DIXDC1: variants seen among roughly 807,000 people sequenced by gnomAD.
The protein encoded by DIXDC1 is DIX domain containing 1.
DIXDC1 carries 64 observed loss-of-function variants against 103.1 expected under a neutral mutation model. The ratio of observed to expected loss-of-function variants is 0.62; its 90% CI spans 0.51 to 0.76. The LOEUF is 0.76. Ranked by LOEUF, DIXDC1 falls within the 30% of genes least tolerant of loss-of-function variation. The pLI is 0.00. For missense variants in DIXDC1, 759 were observed against 834.2 expected (o/e 0.91, Z 1.11); for synonymous variants, 266 against 298.5 (o/e 0.89, Z 1.12).
At chr11:112,001,252 CAT>C (rs1379263256) in intron 17 of DIXDC1, among the ~76,000 whole-genome samples, 7 of 152,118 alleles carry the variant, frequency 4.6e-5, no homozygotes, top group Non-Finnish European at 8.8e-5. Flanking sequence ...TAGGCAAATC[CAT>C]AGAGACCAAA....
chr11:111,977,161 T>G lies in DIXDC1; in HGVS notation c.656+2178T>G. ...CCTCGTCGACGTCCCCACCCCCACC[T>G]CCACCCCGCCCAGCCCCGCCCCTGG... is the stretch of plus-strand genomic sequence containing the variant. On this transcript the variant is annotated intron_variant, in intron 5 of 19. Transcript: ENST00000440460. The surrounding 1 kb of genome is among the most constrained non-coding windows in gnomAD (Gnocchi z 6.1). The G allele has an allele frequency of 1.2e-5, 4 of 342,606 alleles. No individual in the cohort carries two copies. Among genetic ancestry groups the G allele is most frequent in the Non-Finnish European group, 1.6e-5 (4 of 247,000 alleles). 21.2% of individuals were successfully genotyped at this position (342,606 alleles called of 1,614,324 possible). A position where few individuals can be genotyped will look rare whatever the true frequency, so the allele number is the denominator to read the frequency against.
chr11:111,983,642 A>T lies in DIXDC1; in HGVS notation c.918+1155A>T, dbSNP rs75492041. Among the ~76,000 whole-genome samples, 343 of 152,328 alleles carry T rather than the reference A, an allele frequency of 2.3e-3. 12 individuals are homozygous for T. In the East Asian group the frequency reaches 0.059, roughly 26 times the overall value. ...CCAGGTTGTTCCCAGGATAATTTGCATTATATGAACATAGATATTCATCAG... is the reference window on the plus strand; with the variant it reads ...CCAGGTTGTTCCCAGGATAATTTGCTTTATATGAACATAGATATTCATCAG... On this transcript the variant is annotated intron_variant, in intron 7 of 19. Transcript: ENST00000440460.
chr11:111,949,069 A>G (rs587642313), intron 1 of DIXDC1, among the ~76,000 whole-genome samples: 3 of 152,168 alleles, frequency 2.0e-5, no homozygotes, highest in African/African-American at 7.2e-5. Context: ...TGGGAAAAAT[A>G]TTTCCTCGCA....
In DIXDC1 at chr11:111,997,429, G is replaced by A. The variant is rs587615793; in HGVS notation, c.1756+1283G>A. ...CTGTTCACTGCAACCTCTGTCTCCC[G>A]GGTTCAAGCAATTCTTCTGCCTCAG... is the stretch of plus-strand genomic sequence containing the variant. On this transcript the variant is annotated intron_variant, in intron 17 of 19. Transcript: ENST00000440460. Among the ~76,000 whole-genome samples the A allele has an allele frequency of 5.9e-5, 9 of 152,102 alleles. No individual in the cohort carries two copies. The South Asian group carries it at 1.9e-3, about 32-fold the overall frequency.
At chr11:112,010,376 G>A (rs1345963908) in intron 17 of DIXDC1, among the ~76,000 whole-genome samples, 2 of 152,142 alleles carry the variant, frequency 1.3e-5, no homozygotes, top group African/African-American at 4.8e-5. Context: ...TGGCCACACT[G>A]CCCAAGGTAA....
chr11:111,929,586 A>G (rs1363696502), intron 1 of DIXDC1, among the ~76,000 whole-genome samples: 3 of 149,424 alleles, frequency 2.0e-5, no homozygotes, highest in Non-Finnish European at 3.0e-5. Flanking sequence ...TTATCTCTAA[A>G]AAAAAAAAAA....
intron 7 of DIXDC1, 141 bp downstream of exon 7, chr11:111,982,628 G>A (rs1017309678): frequency 1.1e-6 from 1 of 916,184 alleles, no homozygotes; most frequent in African/African-American, 1.7e-5. Flanking sequence ...AGCACAGAAA[G>A]AGCAGAAAAT....
intron 17 of DIXDC1, among the ~76,000 whole-genome samples, chr11:112,011,799 G>C (rs1861430128): frequency 6.6e-6 from 1 of 151,496 alleles, no homozygotes; most frequent in Non-Finnish European, 1.5e-5. Context: ...ACTGGAGCCT[G>C]TCGTGGAGGG....
intron 3 of DIXDC1, among the ~76,000 whole-genome samples, chr11:111,972,974 G>A (rs1044681396): frequency 4.0e-5 from 6 of 151,088 alleles, no homozygotes; most frequent in Admixed American, 2.6e-4. Context: ...CAGGAGAATC[G>A]CTTGAACCCA....
At position 112,022,616 on chromosome 11, in the gene DIXDC1, A is replaced by C. The variant is rs1861792066; in HGVS notation, c.*3580A>C. On this transcript the variant is annotated 3_prime_UTR_variant, in exon 20 of 20. Coordinates refer to ENST00000440460, the MANE Select transcript of DIXDC1 (RefSeq NM_001037954.4). The surrounding 1 kb of genome is among the most constrained non-coding windows in gnomAD (Gnocchi z 4.9). ...TAATGATTTTCACTTGCGTTTACTG[A>C]TGAGATTAATCAATAAAGCCATTTA... is the stretch of plus-strand genomic sequence containing the variant. The C allele has an allele frequency of 2.0e-5, 3 of 152,634 alleles. No homozygotes were observed. The South Asian group carries it at 6.2e-4, about 32-fold the overall frequency. The allele number at this position is 152,634 out of a possible 1,614,324, so 9.5% of individuals were successfully genotyped here. A position where few individuals can be genotyped will look rare whatever the true frequency, so the allele number is the denominator to read the frequency against.
At position 112,017,731 on chromosome 11, in the gene DIXDC1, G is replaced by A. The variant is rs1566589606; in HGVS notation, c.1863-46G>A. 1 of 1,487,334 alleles carries A rather than the reference G, an allele frequency of 6.7e-7. No homozygotes were observed. The highest frequency in any genetic ancestry group is 1.9e-5 in the Admixed American group (1 of 52,390). The allele number at this position is 1,487,334 out of a possible 1,614,324, so 92.1% of individuals were successfully genotyped here. On this transcript the variant is annotated intron_variant, in intron 18 of 19. Transcript: ENST00000440460. The surrounding 1 kb of genome is among the most constrained non-coding windows in gnomAD (Gnocchi z 4.0). ...TTAAAGTTAACATCTTATCTTTCCA[G>A]CTATTGATCAACAGTCTATTTTAGT...
chr11:111,975,770 A>G (rs189825529), intron 5 of DIXDC1: 5 of 985,320 alleles, frequency 5.1e-6, no homozygotes, highest in South Asian at 9.4e-5. Flanking sequence ...TCTTGTATGT[A>G]TGTTATGTGT....
intron 5 of DIXDC1, among the ~76,000 whole-genome samples, chr11:111,978,950 T>G (rs1021218225): frequency 6.6e-6 from 1 of 152,220 alleles, no homozygotes. Flanking sequence ...TAATTCATGT[T>G]GGCCTGGAAG....
At chr11:111,987,999 TTTTG>T (rs1327630673) in intron 9 of DIXDC1, among the ~76,000 whole-genome samples, 2 of 151,190 alleles carry the variant, frequency 1.3e-5, no homozygotes, top group African/African-American at 2.4e-5. Flanking sequence ...ATTTGTTTTG[TTTTG>T]TTTGTTTGTT....
In DIXDC1 at chr11:111,980,761, C is replaced by T; in HGVS notation, c.681C>T (p.His227=). 2 of 1,613,920 alleles carry T rather than the reference C, an allele frequency of 1.2e-6. No homozygotes were observed. Among genetic ancestry groups the T allele is most frequent in the South Asian group, 2.2e-5 (2 of 91,068 alleles). Residue 227 remains histidine, a synonymous_variant, in exon 6 of 20, where the codon CAC becomes CAT. Transcript: ENST00000440460. ...CSSLTSPSPI[H]SAKSESIITQ... ...GCCTGACTTCACCCAGTCCAATCCACAGTGCAAAGAGCGAGTCCATTATAA... is the reference window on the plus strand; with the variant it reads ...GCCTGACTTCACCCAGTCCAATCCATAGTGCAAAGAGCGAGTCCATTATAA...
chr11:111,932,418 A>T (rs1966055004), upstream of DIXDC1, among the ~76,000 whole-genome samples: 1 of 151,748 alleles, frequency 6.6e-6, no homozygotes, highest in Admixed American at 6.6e-5. Context: ...GGAATAGGTT[A>T]AAAAAATCAT....
intron 1 of DIXDC1, among the ~76,000 whole-genome samples, chr11:111,964,113 G>A (rs1287423841): frequency 6.6e-6 from 1 of 152,200 alleles, no homozygotes; most frequent in African/African-American, 2.4e-5. Flanking sequence ...CAATTCGTAT[G>A]AGTATCAGAG....
intron 1 of DIXDC1, among the ~76,000 whole-genome samples, chr11:111,953,702 A>C (rs1303695162): frequency 6.6e-6 from 1 of 152,198 alleles, no homozygotes; most frequent in Non-Finnish European, 1.5e-5. Context: ...AAAGAGTAAC[A>C]GATGAACCTA....
intron 1 of DIXDC1, among the ~76,000 whole-genome samples, chr11:111,952,523 C>CA (rs1248649464): frequency 2.0e-5 from 3 of 151,792 alleles, no homozygotes; most frequent in Non-Finnish European, 2.9e-5. Context: ...CCTGTCTCTA[C>CA]AAAAAAATCC....
Sources: allele counts gnomAD v4.1 joint callset (sites outside exome capture counted in the v4.1 genomes callset), GRCh38; gene constraint gnomAD v4.1.1; non-coding constraint Gnocchi (gnomAD v3.1); transcripts MANE v1.5; gene names NCBI Gene and HGNC (gene_info 2026-07-23, HGNC 2026-07-21).